The following TPO variants were observed in gnomAD, a reference collection of about 807,000 sequenced individuals.
The protein encoded by TPO is thyroid microsomal antigen.
TPO carries 78 observed loss-of-function variants against 96.9 expected under a neutral mutation model. That is an observed-to-expected ratio of 0.81 (90% CI 0.67 to 0.97). The LOEUF (loss-of-function observed/expected upper bound fraction) is 0.97, where lower values mean the gene tolerates loss of function less well. TPO is among the 50% of genes least tolerant of loss of function. TPO has a pLI of 0.00. For synonymous variants in TPO, 547 were observed against 538.0 expected, an observed-to-expected ratio of 1.02 and a Z score of -0.23; for missense variants, 1,252 against 1,274.8, an observed-to-expected ratio of 0.98 and a Z score of 0.27.
At chr2:1,490,448 G>A (rs959387471) in intron 10 of TPO, among the ~76,000 whole-genome samples, 2 of 143,516 alleles carry the variant, frequency 1.4e-5, no homozygotes, top group African/African-American at 5.3e-5. Context: ...TCACGACACA[G>A]CAGTGTAAGA....
intron 1 of TPO, among the ~76,000 whole-genome samples, chr2:1,399,766 A>G (rs1023308459): frequency 6.6e-6 from 1 of 152,186 alleles, no homozygotes; most frequent in Non-Finnish European, 1.5e-5. Flanking sequence ...CCTTCCTTGC[A>G]TGAATTTCTC....
Position 1,496,096 on chromosome 2 carries a change from C to T in TPO, c.2114C>T (p.Pro705Leu), listed in dbSNP as rs780377848. 1.2e-6 allele frequency: 2 copies of T among 1,614,090 alleles called. No homozygotes were observed. The highest frequency in any genetic ancestry group is 1.7e-6 in the Non-Finnish European group (2 of 1,180,020). ...ICDNTGLTRVPMDAFQVGKFP... is the reference protein window; with the variant it reads ...ICDNTGLTRVLMDAFQVGKFP... ...GACAACACTGGCCTCACCAGGGTGC[C>T]CATGGATGCCTTCCAAGTCGGCAAA... is the stretch of plus-strand genomic sequence containing the variant. Residue 705 changes from proline to leucine, a missense_variant, in exon 12 of 17, where the codon CCC becomes CTC. By Grantham distance (98) the Pro-to-Leu change is moderately conservative. Coordinates refer to ENST00000329066, the MANE Select transcript of TPO (RefSeq NM_001206744.2).
chr2:1,379,346 G>A (rs1481248205), intron 1 of TPO, among the ~76,000 whole-genome samples: 1 of 152,154 alleles, frequency 6.6e-6, no homozygotes, highest in Non-Finnish European at 1.5e-5. Flanking sequence ...ATAAGAGTGA[G>A]TGAGCTCTGA....
chr2:1,532,481 C>T (rs1453870650), intron 15 of TPO, among the ~76,000 whole-genome samples: 38 of 136,706 alleles, frequency 2.8e-4, no homozygotes, highest in Non-Finnish European at 5.7e-4. Context: ...CAAATCCCCC[C>T]CACAGTGCAA....
Position 1,477,154 on chromosome 2 carries a change from C to T in TPO, c.888C>T (p.Cys296=), listed in dbSNP as rs1045747730. The change falls in exon 8 of 17, where the codon TGC becomes TGT. Residue 296 remains cysteine, a synonymous_variant. Coordinates refer to ENST00000329066, the MANE Select transcript of TPO (RefSeq NM_001206744.2). ...CCTTCTACCGCTCTTCGGCCGCCTG[C>T]GGCACCGGGGACCAAGGCGCGCTCT... The part of the protein sequence containing the change: ...CLPFYRSSAA[C]GTGDQGALFG... The T allele has an allele frequency of 1.2e-6, 2 of 1,609,930 alleles. No homozygotes were observed. The highest frequency in any genetic ancestry group is 1.1e-5 in the South Asian group (1 of 90,334).
At position 1,531,311 on chromosome 2, in the gene TPO, C is replaced by T. The variant is rs189308062; in HGVS notation, c.2619-9283C>T. Among the ~76,000 whole-genome samples, 726 of 123,622 alleles carry T rather than the reference C, an allele frequency of 5.9e-3. 53 individuals are homozygous for T. Among genetic ancestry groups the T allele is most frequent in the African/African-American group, 0.022 (667 of 30,530 alleles). The allele number at this position is 123,622 out of a possible 152,430, so 81.1% of individuals were successfully genotyped here. A position where few individuals can be genotyped will look rare whatever the true frequency, so the allele number is the denominator to read the frequency against. ...AATGTCAGCAACTTCCCTAAATCCC[C>T]CAACTGTGTTCAACCTCCCCAAATC... On this transcript the variant is annotated intron_variant, in intron 15 of 16. Transcript: ENST00000329066.
chr2:1,496,898 G>T, intron 13 of TPO, 133 bp downstream of exon 13: 1 of 1,363,598 alleles, frequency 7.3e-7, no homozygotes, highest in East Asian at 2.4e-5. Flanking sequence ...GCAATCTGGG[G>T]ATAGAAAGCA....
At chr2:1,500,834 T>C (rs564012896) in intron 13 of TPO, among the ~76,000 whole-genome samples, 1 of 152,078 alleles carries the variant, frequency 6.6e-6, no homozygotes, top group Non-Finnish European at 1.5e-5. Flanking sequence ...TAGCCGGGCA[T>C]GGTGGTAGGC....
At chr2:1,375,260 G>A (rs1661705352) in intron 1 of TPO, among the ~76,000 whole-genome samples, 1 of 152,232 alleles carries the variant, frequency 6.6e-6, no homozygotes, top group East Asian at 1.9e-4. Flanking sequence ...TAGGAAACTG[G>A]TGAACTGGGA....
At chr2:1,426,970 AGCCT>A (rs1664478263) in intron 3 of TPO, among the ~76,000 whole-genome samples, 1 of 152,234 alleles carries the variant, frequency 6.6e-6, no homozygotes, top group Non-Finnish European at 1.5e-5. Context: ...GAAAGCACAG[AGCCT>A]GCCTACGGAA....
chr2:1,511,058 CAT>C (rs1412430427), intron 14 of TPO, among the ~76,000 whole-genome samples: 1 of 152,236 alleles, frequency 6.6e-6, no homozygotes, highest in Non-Finnish European at 1.5e-5. Context: ...TGTAGATACA[CAT>C]ATAGATTCAG....
At chr2:1,532,457 C>T (rs1678521199) in intron 15 of TPO, among the ~76,000 whole-genome samples, 1 of 125,206 alleles carries the variant, frequency 8.0e-6, no homozygotes, top group Admixed American at 8.1e-5. Flanking sequence ...TTGCCCCGCA[C>T]TGTGCAACCT....
intron 8 of TPO, among the ~76,000 whole-genome samples, chr2:1,480,825 C>CAAACCATGTCT (rs1670554259): frequency 6.7e-6 from 1 of 149,572 alleles, no homozygotes; most frequent in Non-Finnish European, 1.5e-5. Context: ...ACACCACGTC[C>CAAACCATGTCT]CTGCTGCTGC....
intron 5 of TPO, among the ~76,000 whole-genome samples, chr2:1,448,568 G>A (rs1057277661): frequency 6.6e-6 from 1 of 152,172 alleles, no homozygotes; most frequent in Non-Finnish European, 1.5e-5. Context: ...TAAGAGTTAC[G>A]GCGACTGTCA....
At chr2:1,451,777 C>A (rs1365975907) in intron 5 of TPO, among the ~76,000 whole-genome samples, 8 of 151,736 alleles carry the variant, frequency 5.3e-5, no homozygotes, top group Admixed American at 5.3e-4. Flanking sequence ...CAAAAGGAAC[C>A]TACTTTTTTC....
chr2:1,489,328 C>A (rs1671492098), intron 10 of TPO, among the ~76,000 whole-genome samples: 1 of 152,202 alleles, frequency 6.6e-6, no homozygotes, highest in Non-Finnish European at 1.5e-5. Flanking sequence ...CCAGCACACA[C>A]CTTGCCTCTG....
At chr2:1,380,170 G>A (rs1365346743) in intron 1 of TPO, among the ~76,000 whole-genome samples, 3 of 152,052 alleles carry the variant, frequency 2.0e-5, no homozygotes, top group African/African-American at 7.2e-5. Context: ...CGAGGTGGGC[G>A]GATCATGAGG....
intron 14 of TPO, chr2:1,512,562 G>A (rs1032883298): frequency 4.8e-5 from 42 of 878,244 alleles, no homozygotes; most frequent in African/African-American, 4.4e-4. Flanking sequence ...CCTGGCTGCC[G>A]AACCTGAAGT....
chr2:1,378,281 G>C (rs1296284170), intron 1 of TPO, among the ~76,000 whole-genome samples: 1 of 152,166 alleles, frequency 6.6e-6, no homozygotes, highest in African/African-American at 2.4e-5. Context: ...TGGAGAGCGG[G>C]GCCAGCTAAC....
Sources: allele counts gnomAD v4.1 joint callset (sites outside exome capture counted in the v4.1 genomes callset), GRCh38; gene constraint gnomAD v4.1.1; transcripts MANE v1.5; gene names NCBI Gene and HGNC (gene_info 2026-07-23, HGNC 2026-07-21).